The following PXDNL variants were observed in gnomAD, a reference collection of about 807,000 sequenced individuals.
The protein encoded by PXDNL is probable oxidoreductase PXDNL.
A neutral mutation model predicts 150.8 loss-of-function variants in PXDNL; 145 were observed. That is an observed-to-expected ratio of 0.96 (90% confidence interval 0.84 to 1.10). PXDNL has a LOEUF of 1.10. PXDNL is among the 50% of genes least tolerant of loss of function. PXDNL has a pLI of 0.00. For synonymous variants in PXDNL, 757 were observed against 725.7 expected, an observed-to-expected ratio of 1.04 and a Z score of -0.69; for missense variants, 2,087 against 1,873.9, an observed-to-expected ratio of 1.11 and a Z score of -2.10.
At chr8:51,696,838 CAG>C (rs1563510408) in intron 1 of PXDNL, among the ~76,000 whole-genome samples, 1 of 141,948 alleles carries the variant, frequency 7.0e-6, no homozygotes, top group African/African-American at 2.7e-5. Flanking sequence ...CACACACACA[CAG>C]GTCCTGACAC....
At chr8:51,639,451 A>G (rs12543754) in intron 2 of PXDNL, among the ~76,000 whole-genome samples, 59,098 of 151,572 alleles carry the variant, frequency 0.39, 14,182 homozygotes, top group African/African-American at 0.69. Flanking sequence ...TTGATAGACC[A>G]CTAGCAAGAC....
chr8:51,464,811 A>T (rs1810165562), intron 8 of PXDNL, among the ~76,000 whole-genome samples: 1 of 152,174 alleles, frequency 6.6e-6, no homozygotes, highest in South Asian at 2.1e-4. Context: ...GCACATGTAT[A>T]CTTATGTAAC....
intron 1 of PXDNL, among the ~76,000 whole-genome samples, chr8:51,746,738 T>C (rs941910733): frequency 3.3e-5 from 5 of 152,248 alleles, no homozygotes; most frequent in African/African-American, 1.2e-4. Context: ...TGTTAGTTTT[T>C]TGAGGCAAAC....
At chr8:51,536,038 T>C (rs1455871740) in intron 4 of PXDNL, among the ~76,000 whole-genome samples, 1 of 152,196 alleles carries the variant, frequency 6.6e-6, no homozygotes, top group Non-Finnish European at 1.5e-5. Flanking sequence ...CCAGAGCATG[T>C]GGACCCCTGG....
chr8:51,323,576 A>ACCACACCCTG (rs1426864584), intron 21 of PXDNL, among the ~76,000 whole-genome samples: 1 of 152,060 alleles, frequency 6.6e-6, no homozygotes, highest in Non-Finnish European at 1.5e-5. Flanking sequence ...GGCTTAAACC[A>ACCACACCCTG]CCACACCCTG....
chr8:51,771,596 G>A (rs1304573817), intron 1 of PXDNL, among the ~76,000 whole-genome samples: 2 of 152,076 alleles, frequency 1.3e-5, no homozygotes, highest in African/African-American at 4.8e-5. Context: ...ACTTGCTTTT[G>A]GGGTAGTCCT....
intron 1 of PXDNL, among the ~76,000 whole-genome samples, chr8:51,759,390 T>G (rs1402234715): frequency 2.6e-5 from 4 of 152,210 alleles, no homozygotes; most frequent in African/African-American, 9.6e-5. Flanking sequence ...GCCCCCTCAC[T>G]GCACTCCGCT....
At chr8:51,720,565 A>G (rs1816709006) in intron 1 of PXDNL, among the ~76,000 whole-genome samples, 1 of 152,222 alleles carries the variant, frequency 6.6e-6, no homozygotes. Flanking sequence ...GAAATGTGCT[A>G]TCCTGATATT....
At chr8:51,640,235 A>C (rs1236985354) in intron 2 of PXDNL, among the ~76,000 whole-genome samples, 1 of 152,176 alleles carries the variant, frequency 6.6e-6, no homozygotes, top group Non-Finnish European at 1.5e-5. Flanking sequence ...TGACAAACCC[A>C]CAGCCAATAT....
chr8:51,482,147 A>G (rs1200935193), intron 6 of PXDNL, among the ~76,000 whole-genome samples: 2 of 152,334 alleles, frequency 1.3e-5, no homozygotes, highest in Non-Finnish European at 2.9e-5. Context: ...AAGCCACAGG[A>G]GCAGAGCTGC....
At chr8:51,805,333 A>T (rs2037664131) in intron 1 of PXDNL, among the ~76,000 whole-genome samples, 1 of 148,662 alleles carries the variant, frequency 6.7e-6, no homozygotes, top group Non-Finnish European at 1.5e-5. Flanking sequence ...ATTTTAAATT[A>T]TACAATTTTA....
At chr8:51,367,570 T>C (rs28525054) in intron 19 of PXDNL, among the ~76,000 whole-genome samples, 1,991 of 152,308 alleles carry the variant, frequency 0.013, 36 homozygotes, top group African/African-American at 0.044. Flanking sequence ...ACTTTGGGAA[T>C]TCTATAAGAA....
chr8:51,415,895 G>A (rs1808786852), intron 14 of PXDNL, among the ~76,000 whole-genome samples: 1 of 152,110 alleles, frequency 6.6e-6, no homozygotes. Context: ...TATAATTACT[G>A]TGATTATAAG....
Position 51,743,806 on chromosome 8 carries a change from G to A in PXDNL, c.164+65375C>T, listed in dbSNP as rs146137732. Among the ~76,000 whole-genome samples the A allele has an allele frequency of 9.3e-4, 142 of 151,998 alleles. 1 individual carries two copies. The highest frequency in any genetic ancestry group is 1.7e-3 in the Non-Finnish European group (116 of 67,994). On this transcript the variant is annotated intron_variant, in intron 1 of 22. Coordinates refer to ENST00000356297, the MANE Select transcript of PXDNL (RefSeq NM_144651.5). ...GCTGGAATTACAGGTGTGAGCCACA[G>A]TGCCCGGCCCCTACTTTCATTTTGT...
chr8:51,758,192 T>A (rs1292843069), intron 1 of PXDNL, among the ~76,000 whole-genome samples: 1 of 152,160 alleles, frequency 6.6e-6, no homozygotes, highest in East Asian at 1.9e-4. Flanking sequence ...ACTTTCAAGG[T>A]CTTCCTAGTC....
In PXDNL at chr8:51,345,906, ACT is replaced by A. The variant is rs1563367094; in HGVS notation, c.3941_3942del (p.Glu1314ValfsTer14). On this transcript the variant is annotated frameshift_variant, in exon 20 of 23. Coordinates refer to ENST00000356297, the MANE Select transcript of PXDNL (RefSeq NM_144651.5). LOFTEE classifies it high-confidence loss of function. The part of the protein sequence containing the change: ...SRGQFRAVTQ[E>X]SQKKRSAQYS... ...TATTGAGCTGAGCGTTTCTTTTGAG[ACT>A]CTTGCGTCACTGCTCTGAACTGTCC... 1 of 1,613,566 alleles carries A rather than the reference ACT, an allele frequency of 6.2e-7. No homozygotes were observed. The highest frequency in any genetic ancestry group is 2.2e-5 in the East Asian group (1 of 44,862).
At chr8:51,709,763 T>C (rs1376056013) in intron 1 of PXDNL, among the ~76,000 whole-genome samples, 1 of 152,262 alleles carries the variant, frequency 6.6e-6, no homozygotes, top group Non-Finnish European at 1.5e-5. Context: ...TACATATGTA[T>C]ATATGTATGT....
chr8:51,369,381 G>A (rs1252180734), intron 19 of PXDNL, among the ~76,000 whole-genome samples: 1 of 152,150 alleles, frequency 6.6e-6, no homozygotes, highest in Non-Finnish European at 1.5e-5. Flanking sequence ...TCTGTTAATT[G>A]GGAAGTGTAA....
intron 13 of PXDNL, 96 bp downstream of exon 13, chr8:51,426,550 G>GTA (rs774629272): frequency 1.8e-5 from 12 of 672,040 alleles, no homozygotes; most frequent in Non-Finnish European, 3.0e-5. Flanking sequence ...AGTCGCAACA[G>GTA]TAAAAAATCA....
Sources: gnomAD v4.1 joint callset for allele counts (sites outside exome capture counted in the v4.1 genomes callset) on GRCh38, gnomAD v4.1.1 for gene constraint, MANE v1.5 for transcripts, NCBI Gene and HGNC (gene_info 2026-07-23, HGNC 2026-07-21) for gene names.